Variants in SDK1 observed in about 807,000 individuals in gnomAD.
SDK1 encodes the protein protein sidekick-1.
A neutral mutation model predicts 245.5 loss-of-function variants in SDK1; 157 were observed. The ratio of observed to expected loss-of-function variants is 0.64; its 90% CI spans 0.56 to 0.73. SDK1 has a LOEUF of 0.73. SDK1 is among the 30% of genes least tolerant of loss of function. The pLI is 0.00. For missense variants in SDK1, 3,583 were observed against 3,002.3 expected (o/e 1.19, Z -4.52); for synonymous variants, 1,647 against 1,278.5 (o/e 1.29, Z -6.15).
chr7:4,233,238 C>T lies in SDK1; in HGVS notation c.5828-17C>T. 6.2e-7 allele frequency: 1 copy of T among 1,608,180 alleles called. No homozygotes were observed. The stretch of plus-strand genomic sequence containing the variant: ...GCACTTCTAACCTCTGCTCTCGCCT[C>T]CCCATCCCTCTTGCAGATGAAGGCT... On this transcript the variant is annotated splice_polypyrimidine_tract_variant and intron_variant, in intron 40 of 44. Coordinates refer to ENST00000404826, the MANE Select transcript of SDK1 (RefSeq NM_152744.4).
intron 4 of SDK1, among the ~76,000 whole-genome samples, chr7:3,679,658 C>CCAT (rs1193080108): frequency 1.3e-5 from 2 of 152,200 alleles, no homozygotes; most frequent in East Asian, 3.8e-4. Context: ...AATACCTTTG[C>CCAT]CATCATTGGC....
At chr7:3,916,954 A>G (rs1779405368) in intron 5 of SDK1, among the ~76,000 whole-genome samples, 1 of 152,228 alleles carries the variant, frequency 6.6e-6, no homozygotes, top group Non-Finnish European at 1.5e-5. Flanking sequence ...GTTGCTTATC[A>G]TGGCAAGTGC....
At chr7:3,442,289 G>A (rs948527326) in intron 1 of SDK1, among the ~76,000 whole-genome samples, 4 of 152,304 alleles carry the variant, frequency 2.6e-5, no homozygotes, top group South Asian at 4.1e-4. Context: ...AAGGAGTATT[G>A]ATTATAGTAA....
intron 20 of SDK1, among the ~76,000 whole-genome samples, chr7:4,076,589 AT>A (rs1320503334): frequency 1.3e-5 from 2 of 152,264 alleles, no homozygotes; most frequent in East Asian, 1.9e-4. Flanking sequence ...CATACATAAC[AT>A]TTTTTAGTGG....
intron 32 of SDK1, among the ~76,000 whole-genome samples, chr7:4,170,310 G>C (rs897369751): frequency 6.6e-6 from 1 of 152,124 alleles, no homozygotes; most frequent in African/African-American, 2.4e-5. Context: ...AGCCTGGTGT[G>C]GTGGTGCAGG....
At chr7:3,821,875 A>C (rs1779655748) in intron 5 of SDK1, among the ~76,000 whole-genome samples, 1 of 152,204 alleles carries the variant, frequency 6.6e-6, no homozygotes, top group Non-Finnish European at 1.5e-5. Flanking sequence ...GTTGTTCCTA[A>C]CAACAAAGAA....
chr7:4,242,990 A>C (rs1786626376), intron 43 of SDK1, among the ~76,000 whole-genome samples: 1 of 152,190 alleles, frequency 6.6e-6, no homozygotes, highest in Non-Finnish European at 1.5e-5. Context: ...CAAGGGCTGG[A>C]GGTGGATGCT....
At chr7:3,731,465 G>T (rs1396576816) in intron 4 of SDK1, among the ~76,000 whole-genome samples, 1 of 152,212 alleles carries the variant, frequency 6.6e-6, no homozygotes, top group East Asian at 1.9e-4. Context: ...CCAGCTGACA[G>T]CTTCCGACGA....
intron 1 of SDK1, among the ~76,000 whole-genome samples, chr7:3,343,939 A>G (rs1780422677): frequency 6.6e-6 from 1 of 151,508 alleles, no homozygotes; most frequent in Non-Finnish European, 1.5e-5. Context: ...CGGACATATT[A>G]TTGATAAAAG....
At chr7:3,744,979 T>A (rs995339957) in intron 4 of SDK1, among the ~76,000 whole-genome samples, 19 of 152,160 alleles carry the variant, frequency 1.2e-4, no homozygotes, top group African/African-American at 4.6e-4. Context: ...TCAATAGAAA[T>A]CAGTGATGAG....
chr7:3,442,532 G>C (rs1392374019), intron 1 of SDK1, among the ~76,000 whole-genome samples: 1 of 152,202 alleles, frequency 6.6e-6, no homozygotes, highest in African/African-American at 2.4e-5. Flanking sequence ...TTGGAAACAA[G>C]GTTGTATTGT....
chr7:4,028,145 C>G (rs1043478757), intron 17 of SDK1, among the ~76,000 whole-genome samples: 2 of 152,126 alleles, frequency 1.3e-5, no homozygotes, highest in Admixed American at 1.3e-4. Flanking sequence ...GTTAGAAATA[C>G]AAATTCTCGG....
intron 17 of SDK1, among the ~76,000 whole-genome samples, chr7:4,031,799 G>C (rs141539196): frequency 0.015 from 2,303 of 152,044 alleles, 21 homozygotes; most frequent in African/African-American, 0.032. Flanking sequence ...GGCCGAGGTG[G>C]GTGGATCACC....
At chr7:3,920,746 C>G (rs138974208) in intron 5 of SDK1, among the ~76,000 whole-genome samples, 8 of 150,010 alleles carry the variant, frequency 5.3e-5, no homozygotes, top group African/African-American at 2.0e-4. Flanking sequence ...TAAAGGGAGA[C>G]TATGCAGAGG....
rs575634335 is a variant in SDK1 at position 3,780,643 on chromosome 7, C to T, written c.714-40807C>T. On this transcript the variant is annotated intron_variant, in intron 4 of 44. Transcript: ENST00000404826. ...CAGGCAGGAAGACATTCACCTCCTC[C>T]CATTTCAGGGAAGCAAAGGGGCTAG... Among the ~76,000 whole-genome samples, 3 of 152,260 alleles carry T rather than the reference C, an allele frequency of 2.0e-5. No individual in the cohort carries two copies. In the East Asian group the frequency reaches 5.8e-4, roughly 29 times the overall value.
chr7:3,882,757 G>C (rs996528944), intron 5 of SDK1, among the ~76,000 whole-genome samples: 4 of 151,992 alleles, frequency 2.6e-5, no homozygotes, highest in African/African-American at 9.7e-5. Context: ...ACTTGGCAGG[G>C]TCTCTCCTGG....
chr7:3,996,018 T>G (rs1355602122), intron 14 of SDK1, among the ~76,000 whole-genome samples: 1 of 152,186 alleles, frequency 6.6e-6, no homozygotes, highest in African/African-American at 2.4e-5. Flanking sequence ...TCTTATAGGT[T>G]TTTGCCTTGT....
rs573509048 is a variant in SDK1, at chr7:3,975,895, A to G, written c.1994+1350A>G. Among the ~76,000 whole-genome samples the G allele has an allele frequency of 1.5e-3, 230 of 152,166 alleles. 2 individuals carry two copies. The highest frequency in any genetic ancestry group is 5.1e-3 in the African/African-American group (210 of 41,450). ...GCGGGGGTCCTGGTGCTGCAGCTGC[A>G]AAGCTGCCACGTAGAGGGTCCTCCA... On this transcript the variant is annotated intron_variant, in intron 13 of 44. Coordinates refer to ENST00000404826, the MANE Select transcript of SDK1 (RefSeq NM_152744.4).
At chr7:4,035,013 C>G (rs1035930200) in intron 17 of SDK1, among the ~76,000 whole-genome samples, 1 of 152,224 alleles carries the variant, frequency 6.6e-6, no homozygotes, top group Admixed American at 6.5e-5. Flanking sequence ...GAGTCTTGCT[C>G]TGTTGCCCAG....
Sources: allele counts gnomAD v4.1 joint callset (sites outside exome capture counted in the v4.1 genomes callset), GRCh38; gene constraint gnomAD v4.1.1; transcripts MANE v1.5; gene names NCBI Gene and HGNC (gene_info 2026-07-23, HGNC 2026-07-21).